The following EXD3 variants were observed in gnomAD, a reference collection of about 807,000 sequenced individuals.
EXD3 encodes exonuclease 3'-5' domain containing 3.
A neutral mutation model predicts 98.0 loss-of-function variants in EXD3; 92 were observed. The observed-to-expected ratio is 0.94, with a 90% CI of 0.79 to 1.12. The LOEUF (loss-of-function observed/expected upper bound fraction) is 1.12. Ranked by LOEUF, EXD3 falls within the 50% of genes most tolerant of loss-of-function variation. EXD3 has a pLI of 0.00. For synonymous variants in EXD3, 569 were observed against 526.0 expected, an observed-to-expected ratio of 1.08 and a Z score of -1.12; for missense variants, 1,222 against 1,191.6, an observed-to-expected ratio of 1.03 and a Z score of -0.38.
intron 8 of EXD3, 66 bp from the exon 9 acceptor site, chr9:137,354,839 C>A: frequency 2.0e-6 from 3 of 1,508,100 alleles, no homozygotes; most frequent in African/African-American, 1.4e-5. Context: ...CCTTCTGGGG[C>A]GGGCTGGAGA....
rs1263434668 is a variant in EXD3, at chr9:137,347,524, A to G, written c.1998+547T>C. On this transcript the variant is annotated intron_variant, in intron 17 of 21. Coordinates refer to ENST00000340951, the MANE Select transcript of EXD3 (RefSeq NM_017820.5). The surrounding 1 kb of genome is among the most constrained non-coding windows in gnomAD (Gnocchi z 4.2). ...AGTGGCGTGATCTCAGCTCACTGTA[A>G]CCTCTGCCTCCGGTGTTTAAGCGAT... Among the ~76,000 whole-genome samples the G allele has an allele frequency of 6.6e-6, 1 of 150,612 alleles. No homozygotes were observed. The highest frequency in any genetic ancestry group is 1.9e-4 in the East Asian group (1 of 5,136).
At chr9:137,404,268 G>A (rs570647378) in intron 1 of EXD3, among the ~76,000 whole-genome samples, 20 of 152,294 alleles carry the variant, frequency 1.3e-4, no homozygotes, top group African/African-American at 3.8e-4. Context: ...AGCAGATCGC[G>A]GGTCCTTCCC....
chr9:137,394,071 G>A (rs1020396859), intron 2 of EXD3, among the ~76,000 whole-genome samples: 13 of 152,196 alleles, frequency 8.5e-5, no homozygotes, highest in African/African-American at 2.9e-4. Context: ...TGAGGCTCGG[G>A]CTGACCCCTC....
intron 19 of EXD3, among the ~76,000 whole-genome samples, chr9:137,311,490 C>A (rs1390867850): frequency 6.6e-6 from 1 of 152,242 alleles, no homozygotes; most frequent in Non-Finnish European, 1.5e-5. Context: ...CCCCCAAATA[C>A]TCCACATGGG....
chr9:137,309,651 T>G lies in EXD3; in HGVS notation c.2234A>C (p.Gln745Pro). 2 of 1,562,350 alleles carry G rather than the reference T, an allele frequency of 1.3e-6. No homozygotes were observed. The highest frequency in any genetic ancestry group is 1.7e-6 in the Non-Finnish European group (2 of 1,153,286). ...YLKVSRDMMK[Q>P]LMWLSSHQEG... ...CTGGTGACTGCTGAGCCACATGAGC[T>G]GCTTCATCATGTCCCTGGAGACCTT... Residue 745 changes from glutamine to proline, a missense_variant, in exon 20 of 22, where the codon CAG (glutamine) becomes CCG (proline). Transcript: ENST00000340951.
At chr9:137,308,577 C>T (rs1831180386) in intron 20 of EXD3, among the ~76,000 whole-genome samples, 1 of 151,746 alleles carries the variant, frequency 6.6e-6, no homozygotes, top group African/African-American at 2.4e-5. Flanking sequence ...GTGTGCTCTG[C>T]TGGCCACCCT....
chr9:137,382,206 C>CGGGGAGGAGGTGAGGGCGCGGGG (rs1554730805), intron 3 of EXD3, among the ~76,000 whole-genome samples: 2 of 151,712 alleles, frequency 1.3e-5, no homozygotes, highest in Non-Finnish European at 2.9e-5. Flanking sequence ...GGTGAGGGCA[C>CGGGGAGGAGGTGAGGGCGCGGGG]AGACACAGGC....
At chr9:137,366,255 T>C in intron 7 of EXD3, 2 of 709,608 alleles carry the variant, frequency 2.8e-6, no homozygotes, top group Admixed American at 4.0e-5. Flanking sequence ...ATTTTCGTTC[T>C]TCTAAGAGCA....
intron 8 of EXD3, among the ~76,000 whole-genome samples, chr9:137,355,360 C>A (rs975704689): frequency 6.6e-6 from 1 of 151,660 alleles, no homozygotes; most frequent in Non-Finnish European, 1.5e-5. Context: ...GGGCCCCACC[C>A]CCCACGCCCA....
intron 1 of EXD3, among the ~76,000 whole-genome samples, chr9:137,411,677 C>A (rs1203572854): frequency 1.6e-5 from 2 of 126,370 alleles, no homozygotes; most frequent in African/African-American, 5.9e-5. Flanking sequence ...GGAAAAGGAG[C>A]GGCAGGCGGA....
intron 19 of EXD3, among the ~76,000 whole-genome samples, chr9:137,319,437 C>G (rs1172763174): frequency 6.6e-6 from 1 of 152,166 alleles, no homozygotes; most frequent in Non-Finnish European, 1.5e-5. Context: ...GTGGGGTGGC[C>G]GATCAGTGGT....
chr9:137,317,433 G>A (rs921729616), intron 19 of EXD3, among the ~76,000 whole-genome samples: 1 of 152,026 alleles, frequency 6.6e-6, no homozygotes, highest in Non-Finnish European at 1.5e-5. Context: ...AGTGGGTCTC[G>A]GCATGCTGCG....
intron 7 of EXD3, 63 bp from the exon 8 acceptor site, chr9:137,356,431 A>G (rs1834794262): frequency 1.8e-6 from 2 of 1,120,102 alleles, no homozygotes; most frequent in Non-Finnish European, 2.6e-6. Context: ...TAAGATTTTC[A>G]TTTTCATCAT....
At chr9:137,365,748 A>G in intron 7 of EXD3, 1 of 321,074 alleles carries the variant, frequency 3.1e-6, no homozygotes, top group South Asian at 2.5e-5. Flanking sequence ...AGGCACACAC[A>G]TACATGCACA....
chr9:137,384,851 G>A (rs1350965641), intron 2 of EXD3, among the ~76,000 whole-genome samples: 2 of 152,182 alleles, frequency 1.3e-5, no homozygotes, highest in African/African-American at 4.8e-5. Flanking sequence ...CAGCACTTTG[G>A]GAGGCCGAGG....
chr9:137,355,668 A>AAAGGGAGGAAGGAGGAAGGAGG (rs1564509061), intron 8 of EXD3, among the ~76,000 whole-genome samples: 1 of 8,060 alleles, frequency 1.2e-4, no homozygotes, highest in African/African-American at 4.7e-4. Flanking sequence ...GAGGAAGGAG[A>AAAGGGAGGAAGGAGGAAGGAGG]AAGGGAGGAT....
At chr9:137,416,641 T>A (rs1346072151) in intron 1 of EXD3, among the ~76,000 whole-genome samples, 2 of 152,106 alleles carry the variant, frequency 1.3e-5, no homozygotes, top group Admixed American at 1.3e-4. Flanking sequence ...CAGAGCATCA[T>A]CCTGCGCCAC....
At chr9:137,369,510 T>C (rs1325361667) in intron 5 of EXD3, among the ~76,000 whole-genome samples, 4 of 152,186 alleles carry the variant, frequency 2.6e-5, no homozygotes, top group African/African-American at 9.6e-5. Flanking sequence ...CGGCACCTCC[T>C]TGGGACCAGG....
intron 19 of EXD3, among the ~76,000 whole-genome samples, chr9:137,312,668 C>CA (rs900238869): frequency 2.0e-5 from 3 of 152,024 alleles, no homozygotes; most frequent in Non-Finnish European, 4.4e-5. Context: ...TGGGGAGGCG[C>CA]ACTCAGGACC....
Sources: gnomAD v4.1 joint callset for allele counts (sites outside exome capture counted in the v4.1 genomes callset) on GRCh38, gnomAD v4.1.1 for gene constraint, Gnocchi (gnomAD v3.1) non-coding constraint, MANE v1.5 for transcripts, NCBI Gene and HGNC (gene_info 2026-07-23, HGNC 2026-07-21) for gene names.